The following ACVR1C variants were observed in gnomAD, a reference collection of about 807,000 sequenced individuals.
ACVR1C encodes activin receptor type-1C.
In ACVR1C, 23 loss-of-function variants were observed where a neutral mutation model predicts 57.9. The observed-to-expected ratio is 0.40, with a 90% confidence interval of 0.29 to 0.56. The LOEUF is 0.56. Ranked by LOEUF, ACVR1C falls within the 20% of genes least tolerant of loss-of-function variation. The probability of loss-of-function intolerance (pLI) is 0.50; values close to 1 mark genes in which losing one functional copy is unlikely to be tolerated. For missense variants in ACVR1C, 480 were observed against 607.9 expected, an observed-to-expected ratio of 0.79 and a Z score of 2.21; for synonymous variants, 214 against 215.3, an observed-to-expected ratio of 0.99 and a Z score of 0.05.
chr2:157,548,760 C>T (rs957192343), intron 4 of ACVR1C, among the ~76,000 whole-genome samples: 4 of 152,160 alleles, frequency 2.6e-5, no homozygotes, highest in Non-Finnish European at 4.4e-5. Context: ...CTGACTTGCT[C>T]CATGAAACTC....
chr2:157,538,557 A>G lies in ACVR1C; in HGVS notation c.1356+16T>C. 6.5e-7 allele frequency: 1 copy of G among 1,540,746 alleles called. No homozygotes were observed. Among genetic ancestry groups the G allele is most frequent in the Non-Finnish European group, 8.7e-7 (1 of 1,151,150 alleles). ...AAAATATAATAAGAAAAATATAGAT[A>G]AAAACATGGCCTTACTTCACAACTT... On this transcript the variant is annotated intron_variant, in intron 8 of 8. Coordinates refer to ENST00000243349, the MANE Select transcript of ACVR1C (RefSeq NM_145259.3).
chr2:157,586,217 A>G (rs1688918707), intron 2 of ACVR1C, among the ~76,000 whole-genome samples: 1 of 152,080 alleles, frequency 6.6e-6, no homozygotes, highest in South Asian at 2.1e-4. Context: ...GGGCAAGTAC[A>G]CTGGTTTTTA....
rs7576514 is a variant in ACVR1C, at chr2:157,538,567, C to A, written c.1356+6G>T. 1 of 1,548,160 alleles carries A rather than the reference C, an allele frequency of 6.5e-7. No individual in the cohort carries two copies. The highest frequency in any genetic ancestry group is 8.7e-7 in the Non-Finnish European group (1 of 1,152,390). ...AAGAAAAATATAGATAAAAACATGG[C>A]CTTACTTCACAACTTTGCCACTGGT... On this transcript the variant is annotated splice_donor_region_variant and intron_variant, in intron 8 of 8. Transcript: ENST00000243349.
intron 4 of ACVR1C, 70 bp from the exon 5 acceptor site, chr2:157,544,682 T>C (rs1388805044): frequency 7.4e-7 from 1 of 1,359,636 alleles, no homozygotes; most frequent in Non-Finnish European, 1.0e-6. Context: ...TTTAAAAATA[T>C]CAGTGTTTAA....
chr2:157,572,497 A>C (rs1573928509), intron 2 of ACVR1C, among the ~76,000 whole-genome samples: 1 of 152,320 alleles, frequency 6.6e-6, no homozygotes, highest in South Asian at 2.1e-4. Context: ...CCTAGCTCAC[A>C]TATAGCTTAC....
At chr2:157,560,532 T>C (rs1573920237) in intron 2 of ACVR1C, among the ~76,000 whole-genome samples, 1 of 152,338 alleles carries the variant, frequency 6.6e-6, no homozygotes, top group Non-Finnish European at 1.5e-5. Flanking sequence ...GAAACTTTCA[T>C]AATTAACTGT....
chr2:157,586,415 A>G (rs2105255712), intron 2 of ACVR1C, among the ~76,000 whole-genome samples: 1 of 152,250 alleles, frequency 6.6e-6, no homozygotes, highest in East Asian at 1.9e-4. Flanking sequence ...TCTGTTATAG[A>G]TACATCTGTA....
At chr2:157,608,336 C>T (rs1249124846) in intron 1 of ACVR1C, among the ~76,000 whole-genome samples, 7 of 151,782 alleles carry the variant, frequency 4.6e-5, no homozygotes, top group Non-Finnish European at 8.9e-5. Flanking sequence ...ACATAAATCC[C>T]GCTTGATTAT....
chr2:157,561,675 A>T (rs758725324), intron 2 of ACVR1C, among the ~76,000 whole-genome samples: 1 of 152,240 alleles, frequency 6.6e-6, no homozygotes, highest in African/African-American at 2.4e-5. Context: ...AAACAGAGTG[A>T]CATGTTAAGC....
intron 1 of ACVR1C, among the ~76,000 whole-genome samples, chr2:157,610,060 CT>C (rs1682497546): frequency 6.6e-6 from 1 of 151,408 alleles, no homozygotes; most frequent in Non-Finnish European, 1.5e-5. Context: ...AATATTTGTC[CT>C]TGTGGTTTAG....
Position 157,542,734 on chromosome 2 carries a change from G to C in ACVR1C, c.1072C>G (p.Pro358Ala). The change falls in exon 6 of 9, where the codon CCT becomes GCT. Residue 358 changes from proline to alanine, a missense_variant. Coordinates refer to ENST00000243349, the MANE Select transcript of ACVR1C (RefSeq NM_145259.3). ...TTGGTTCCCACTTTAGGATTCTGAG[G>C]TATGTCGATAGTGTTCAGTATTGAA... ...HDSILNTIDIPQNPKVGTKRY... is the reference protein window; with the variant it reads ...HDSILNTIDIAQNPKVGTKRY... 1 of 1,613,382 alleles carries C rather than the reference G, an allele frequency of 6.2e-7. No individual in the cohort carries two copies. Among genetic ancestry groups the C allele is most frequent in the South Asian group, 1.1e-5 (1 of 90,966 alleles).
rs781230755 is a variant in ACVR1C at position 157,628,606 on chromosome 2, G to A, written c.39C>T (p.Leu13=). 1.0e-5 allele frequency: 16 copies of A among 1,605,800 alleles called. No homozygotes were observed. Among genetic ancestry groups the A allele is most frequent in the East Asian group, 2.2e-5 (1 of 44,604 alleles). ...GCTCGGCGGCCGCTGCGAGCAGCAGGAGAGCCTGGCGGAGCGCTGAGCAGA... is the reference window on the plus strand; with the variant it reads ...GCTCGGCGGCCGCTGCGAGCAGCAGAAGAGCCTGGCGGAGCGCTGAGCAGA... ...RALCSALRQA[L]LLLAAAAELS... is the part of the protein sequence containing the mutation. The change falls in exon 1 of 9, where the codon CTC becomes CTT. Residue 13 remains leucine, a synonymous_variant. Transcript: ENST00000243349.
intron 4 of ACVR1C, 86 bp downstream of exon 4, chr2:157,550,071 TATCTG>T: frequency 9.4e-7 from 1 of 1,064,612 alleles, no homozygotes; most frequent in Non-Finnish European, 1.4e-6. Context: ...TATTTTTTCT[TATCTG>T]ATACTAGACA....
chr2:157,595,814 T>C (rs917255137), intron 1 of ACVR1C, among the ~76,000 whole-genome samples: 1 of 152,192 alleles, frequency 6.6e-6, no homozygotes, highest in Non-Finnish European at 1.5e-5. Context: ...GCTCTTCTTG[T>C]TCCCTTTGCC....
chr2:157,606,165 A>G (rs537827752), intron 1 of ACVR1C, among the ~76,000 whole-genome samples: 9 of 151,570 alleles, frequency 5.9e-5, no homozygotes, highest in Non-Finnish European at 1.2e-4. Context: ...ATATTCCATC[A>G]TGTATATATA....
chr2:157,611,112 C>T (rs1682522477), intron 1 of ACVR1C, among the ~76,000 whole-genome samples: 1 of 152,054 alleles, frequency 6.6e-6, no homozygotes, highest in Non-Finnish European at 1.5e-5. Context: ...TTCTTGTGTT[C>T]TTACATTGAT....
chr2:157,546,627 T>A (rs1341337593), intron 4 of ACVR1C, among the ~76,000 whole-genome samples: 2 of 152,102 alleles, frequency 1.3e-5, no homozygotes, highest in African/African-American at 4.8e-5. Context: ...GGAGCTAAAG[T>A]TTAAAAGTTG....
intron 4 of ACVR1C, 38 bp downstream of exon 4, chr2:157,550,124 C>T: frequency 6.3e-7 from 1 of 1,588,802 alleles, no homozygotes; most frequent in Non-Finnish European, 8.6e-7. Context: ...CTCTAGACAG[C>T]ATTTTTTACT....
intron 5 of ACVR1C, among the ~76,000 whole-genome samples, chr2:157,543,234 C>T (rs1457891843): frequency 6.6e-6 from 1 of 152,204 alleles, no homozygotes; most frequent in Non-Finnish European, 1.5e-5. Flanking sequence ...TTACCCCACA[C>T]CAGCAGTTCT....
Sources: allele counts gnomAD v4.1 joint callset (sites outside exome capture counted in the v4.1 genomes callset), GRCh38; gene constraint gnomAD v4.1.1; transcripts MANE v1.5; gene names NCBI Gene and HGNC (gene_info 2026-07-23, HGNC 2026-07-21).